FAR2: variants seen among roughly 807,000 people sequenced by gnomAD.
FAR2 encodes the protein epididymis secretory protein Li 81.
Under a neutral mutation model 56.0 loss-of-function variants are expected in FAR2, and 19 were observed. The ratio of observed to expected loss-of-function variants is 0.34; its 90% confidence interval spans 0.24 to 0.50. The LOEUF is 0.50. FAR2 is among the 20% of genes least tolerant of loss of function. FAR2 has a pLI of 0.98. For synonymous variants in FAR2, 219 were observed against 218.8 expected, an observed-to-expected ratio of 1.00 and a Z score of -0.01; for missense variants, 508 against 642.2, an observed-to-expected ratio of 0.79 and a Z score of 2.26.
chr12:29,200,824 G>A (rs1947399950), intron 1 of FAR2, among the ~76,000 whole-genome samples: 1 of 152,168 alleles, frequency 6.6e-6, no homozygotes, highest in African/African-American at 2.4e-5. Context: ...CCCTCTAATG[G>A]TGTTGACTCA....
chr12:29,211,547 G>A (rs1462734084), intron 1 of FAR2, among the ~76,000 whole-genome samples: 2 of 152,038 alleles, frequency 1.3e-5, no homozygotes, highest in South Asian at 2.1e-4. Flanking sequence ...GTTGGCTCAG[G>A]GTCAGAATGC....
At chr12:29,319,846 T>G (rs1270342434) in intron 9 of FAR2, among the ~76,000 whole-genome samples, 1 of 152,222 alleles carries the variant, frequency 6.6e-6, no homozygotes, top group East Asian at 1.9e-4. Context: ...ATGTTTAAAA[T>G]TTTTATGTGG....
chr12:29,325,255 C>T (rs1949626160), intron 10 of FAR2, among the ~76,000 whole-genome samples: 1 of 152,064 alleles, frequency 6.6e-6, no homozygotes, highest in Non-Finnish European at 1.5e-5. Context: ...TAAAGCAAGC[C>T]CTTAGTGACC....
In FAR2 at chr12:29,161,507, A is replaced by G. The variant is rs114171932; in HGVS notation, c.-39+12100A>G. 5.0e-3 allele frequency among the ~76,000 whole-genome samples: 761 copies of G among 152,292 alleles called. 12 individuals are homozygous for G. The highest frequency in any genetic ancestry group is 0.017 in the African/African-American group (714 of 41,564). Reference sequence around the variant, plus strand: ...TTATTCATTCACATTGCTGTGTAATACTCCATACTGTGAATATGCCATACT... The same window carrying G: ...TTATTCATTCACATTGCTGTGTAATGCTCCATACTGTGAATATGCCATACT... On this transcript the variant is annotated intron_variant, in intron 1 of 11. Coordinates refer to ENST00000536681, the MANE Select transcript of FAR2 (RefSeq NM_001271783.2).
In FAR2 at chr12:29,327,794, A is replaced by G. The variant is rs1322995168; in HGVS notation, c.1258-4806A>G. Among the ~76,000 whole-genome samples the G allele has an allele frequency of 2.6e-5, 4 of 152,352 alleles. No homozygotes were observed. In the East Asian group the frequency reaches 5.8e-4, roughly 22 times the overall value. On this transcript the variant is annotated intron_variant, in intron 10 of 11. Transcript: ENST00000536681. ...ACTTACACGTTAGACCTAAAACCATAAAAACCCTAGAAGAAAACCTAGGCA... is the reference window on the plus strand; with the variant it reads ...ACTTACACGTTAGACCTAAAACCATGAAAACCCTAGAAGAAAACCTAGGCA...
At chr12:29,176,505 G>A (rs1286106862) in intron 1 of FAR2, among the ~76,000 whole-genome samples, 1 of 152,044 alleles carries the variant, frequency 6.6e-6, no homozygotes, top group African/African-American at 2.4e-5. Flanking sequence ...GAAAAGGAAA[G>A]CTCATTTTTA....
chr12:29,179,658 A>G (rs995327321), intron 1 of FAR2, among the ~76,000 whole-genome samples: 18 of 152,214 alleles, frequency 1.2e-4, no homozygotes, highest in African/African-American at 4.1e-4. Context: ...TCTATCTTGT[A>G]TGATCTAATT....
chr12:29,221,342 C>T (rs1195475928), intron 1 of FAR2, among the ~76,000 whole-genome samples: 6 of 152,104 alleles, frequency 3.9e-5, no homozygotes, highest in Non-Finnish European at 7.4e-5. Context: ...GGTTGCCTGA[C>T]ATTCCTGGTC....
At chr12:29,271,482 G>C (rs184284270) in intron 2 of FAR2, among the ~76,000 whole-genome samples, 30 of 152,308 alleles carry the variant, frequency 2.0e-4, no homozygotes, top group Non-Finnish European at 1.6e-4. Flanking sequence ...TTGGAATATA[G>C]GGGGTGACAT....
At chr12:29,323,941 A>G (rs1047520882) in intron 10 of FAR2, among the ~76,000 whole-genome samples, 1 of 152,172 alleles carries the variant, frequency 6.6e-6, no homozygotes, top group African/African-American at 2.4e-5. Flanking sequence ...AGAAGATCAA[A>G]TTACTCTGAG....
chr12:29,283,747 C>G (rs1016374077), intron 2 of FAR2, among the ~76,000 whole-genome samples: 1 of 152,198 alleles, frequency 6.6e-6, no homozygotes, highest in Non-Finnish European at 1.5e-5. Context: ...ATGCTCACCA[C>G]AGACCAAGGG....
intron 1 of FAR2, among the ~76,000 whole-genome samples, chr12:29,256,708 G>C (rs1445439862): frequency 6.6e-6 from 1 of 152,192 alleles, no homozygotes; most frequent in Non-Finnish European, 1.5e-5. Context: ...TTCCGGGTGG[G>C]CGTGGGCTTG....
chr12:29,275,003 C>A (rs1201279397), intron 2 of FAR2, among the ~76,000 whole-genome samples: 1 of 146,396 alleles, frequency 6.8e-6, no homozygotes, highest in African/African-American at 2.5e-5. Context: ...GGAGATCAAT[C>A]CCGTCCTCCT....
At chr12:29,299,479 G>A (rs1307181197) in intron 4 of FAR2, among the ~76,000 whole-genome samples, 5 of 152,072 alleles carry the variant, frequency 3.3e-5, no homozygotes, top group Non-Finnish European at 5.9e-5. Context: ...TGAACAAACT[G>A]TAACTGACAT....
At chr12:29,173,696 CTGAG>C (rs767562078) in intron 1 of FAR2, among the ~76,000 whole-genome samples, 6 of 152,208 alleles carry the variant, frequency 3.9e-5, no homozygotes, top group Non-Finnish European at 7.4e-5. Flanking sequence ...CGGTTGATAC[CTGAG>C]TGTTTCCCAC....
At chr12:29,226,670 T>A (rs531953307) in intron 1 of FAR2, among the ~76,000 whole-genome samples, 2 of 152,200 alleles carry the variant, frequency 1.3e-5, no homozygotes, top group Non-Finnish European at 2.9e-5. Context: ...AGTTTAGATA[T>A]TTAATTTTTG....
intron 1 of FAR2, among the ~76,000 whole-genome samples, chr12:29,161,259 A>G (rs1213904126): frequency 3.3e-5 from 5 of 152,202 alleles, no homozygotes; most frequent in African/African-American, 4.8e-5. Context: ...GCATCCTATA[A>G]GCTCCCCTCA....
chr12:29,173,933 C>T (rs1003898750), intron 1 of FAR2, among the ~76,000 whole-genome samples: 1 of 152,138 alleles, frequency 6.6e-6, no homozygotes, highest in East Asian at 1.9e-4. Context: ...CCTTGCCTGT[C>T]CTCTTAGACC....
At chr12:29,308,106 G>A (rs1408406493) in intron 5 of FAR2, 8 of 290,410 alleles carry the variant, frequency 2.8e-5, no homozygotes, top group Non-Finnish European at 5.1e-5. Flanking sequence ...ATTCACATGG[G>A]TGATGGTTTC....
Sources: gnomAD v4.1 joint callset for allele counts (sites outside exome capture counted in the v4.1 genomes callset) on GRCh38, gnomAD v4.1.1 for gene constraint, MANE v1.5 for transcripts, NCBI Gene and HGNC (gene_info 2026-07-23, HGNC 2026-07-21) for gene names.